Variants in ABCA13 observed in about 807,000 individuals in gnomAD.
ABCA13 encodes the protein ATP binding cassette subfamily A member 13.
Under a neutral mutation model 478.7 loss-of-function variants are expected in ABCA13, and 476 were observed. The observed-to-expected ratio is 0.99, with a 90% CI of 0.92 to 1.07. The LOEUF (loss-of-function observed/expected upper bound fraction) is 1.07. Ranked by LOEUF, ABCA13 falls within the 50% of genes least tolerant of loss-of-function variation. The pLI is 0.00. For synonymous variants in ABCA13, 2,252 were observed against 2,158.9 expected, an observed-to-expected ratio of 1.04 and a Z score of -1.20; for missense variants, 6,060 against 5,910.6, an observed-to-expected ratio of 1.03 and a Z score of -0.83.
rs1187628673 is a variant in ABCA13 at position 48,411,279 on chromosome 7, C to T, written c.12228+602C>T. Among the ~76,000 whole-genome samples, 48 of 104,570 alleles carry T rather than the reference C, an allele frequency of 4.6e-4. 1 individual carries two copies. The highest frequency in any genetic ancestry group is 1.1e-4 in the Non-Finnish European group (5 of 46,380). 68.6% of individuals were successfully genotyped at this position (104,570 alleles called of 152,430 possible). On this transcript the variant is annotated intron_variant, in intron 40 of 61. Transcript: ENST00000435803. ...TCTTTCCTTCCTTTCCTCCCTCCCT[C>T]CTCCTTCCTTCCTTCTTTTCTTTTC...
chr7:48,245,514 G>T lies in ABCA13; in HGVS notation c.1393G>T (p.Val465Phe), dbSNP rs1217301893. 3.7e-6 allele frequency: 6 copies of T among 1,608,562 alleles called. 1 individual carries two copies. The South Asian group carries it at 6.7e-5, about 18-fold the overall frequency. The change falls in exon 12 of 62, where the codon GTC (valine) becomes TTC (phenylalanine). Residue 465 changes from valine (V) to phenylalanine (F), a missense_variant and splice_region_variant. By Grantham distance (50) the Val-to-Phe change is conservative. Coordinates refer to ENST00000435803, the MANE Select transcript of ABCA13 (RefSeq NM_152701.5). ...TAATCAATTTGTCTACTTTGCAGAA[G>T]TCCTCATTTGCCTGGAGACATCAGC... is the stretch of plus-strand genomic sequence containing the variant. Reference protein sequence around the residue: ...IAQNLHFVQEVLICLETSAND... With the variant: ...IAQNLHFVQEFLICLETSAND...
At chr7:48,262,977 G>T (rs545700287) in intron 15 of ABCA13, among the ~76,000 whole-genome samples, 1 of 152,014 alleles carries the variant, frequency 6.6e-6, no homozygotes, top group Non-Finnish European at 1.5e-5. Context: ...CACAGACATG[G>T]GTAAGGTGAG....
At chr7:48,286,866 A>G (rs1347263852) in intron 19 of ABCA13, among the ~76,000 whole-genome samples, 1 of 151,558 alleles carries the variant, frequency 6.6e-6, no homozygotes, top group Non-Finnish European at 1.5e-5. Flanking sequence ...AGTCAGGATA[A>G]CATTTTTTTT....
intron 3 of ABCA13, among the ~76,000 whole-genome samples, chr7:48,213,651 T>C (rs1436666036): frequency 6.6e-6 from 1 of 152,234 alleles, no homozygotes; most frequent in Non-Finnish European, 1.5e-5. Flanking sequence ...TAGCATATGA[T>C]GCTGTTTTAT....
chr7:48,329,933 TCATC>T (rs1211697990), intron 27 of ABCA13, among the ~76,000 whole-genome samples: 2 of 148,744 alleles, frequency 1.3e-5, no homozygotes, highest in Non-Finnish European at 3.0e-5. Flanking sequence ...ACACATCTAT[TCATC>T]CATCCATCTA....
chr7:48,602,738 TG>T (rs1019773374), intron 58 of ABCA13, among the ~76,000 whole-genome samples: 7 of 149,526 alleles, frequency 4.7e-5, no homozygotes, highest in African/African-American at 1.8e-4. Flanking sequence ...AAATTTAAAG[TG>T]GTTTTTTTTT....
intron 27 of ABCA13, among the ~76,000 whole-genome samples, chr7:48,324,508 C>A (rs1804008216): frequency 6.6e-6 from 1 of 152,218 alleles, no homozygotes; most frequent in Non-Finnish European, 1.5e-5. Flanking sequence ...TTGGAATGAT[C>A]TTTTACCACT....
chr7:48,505,726 G>T (rs1224553750), intron 48 of ABCA13, among the ~76,000 whole-genome samples: 2 of 152,200 alleles, frequency 1.3e-5, no homozygotes, highest in Admixed American at 6.5e-5. Flanking sequence ...AATTTCTGGG[G>T]AAGCACTGTC....
intron 43 of ABCA13, among the ~76,000 whole-genome samples, chr7:48,458,685 G>A (rs1039307058): frequency 2.6e-5 from 4 of 152,134 alleles, no homozygotes; most frequent in African/African-American, 7.2e-5. Context: ...CAGAAGAAAT[G>A]CACTAGAGAG....
chr7:48,516,576 A>C (rs761782573), intron 51 of ABCA13, 149 bp from the exon 52 acceptor site: 1 of 726,730 alleles, frequency 1.4e-6, no homozygotes, highest in Non-Finnish European at 2.3e-6. Flanking sequence ...CATAGGTTGT[A>C]TGTATGGGGA....
chr7:48,395,096 A>G (rs1816654030), intron 38 of ABCA13, among the ~76,000 whole-genome samples: 1 of 152,238 alleles, frequency 6.6e-6, no homozygotes, highest in South Asian at 2.1e-4. Context: ...GCCTGTGCAC[A>G]GGCACATTAC....
In ABCA13 at chr7:48,466,976, A is replaced by T. The variant is rs1180114321; in HGVS notation, c.12836A>T (p.Asp4279Val). 1.2e-6 allele frequency: 2 copies of T among 1,613,862 alleles called. No individual in the cohort carries two copies. Among genetic ancestry groups the T allele is most frequent in the South Asian group, 2.2e-5 (2 of 91,080 alleles). ...YFFSSGGDNL[D>V]LTRVLLRKFR... ...AGCAGCAGTGGGGGCGACAACTTGGACCTCACCCGTGTGCTTCTGCGGAAG... is the reference window on the plus strand; with the variant it reads ...AGCAGCAGTGGGGGCGACAACTTGGTCCTCACCCGTGTGCTTCTGCGGAAG... The change falls in exon 44 of 62, where the codon GAC becomes GTC. Residue 4279 changes from aspartate to valine, a missense_variant. Asp to Val is a radical substitution (Grantham distance 152). Transcript: ENST00000435803.
intron 45 of ABCA13, among the ~76,000 whole-genome samples, chr7:48,473,650 T>C (rs950729475): frequency 6.6e-6 from 1 of 152,172 alleles, no homozygotes; most frequent in Non-Finnish European, 1.5e-5. Context: ...ATAGCTCTGG[T>C]GGTGGCACTC....
chr7:48,556,391 C>A (rs6977837), intron 55 of ABCA13, among the ~76,000 whole-genome samples: 69,933 of 151,694 alleles, frequency 0.46, 18,949 homozygotes, highest in African/African-American at 0.76. Flanking sequence ...TTCAGTGCTG[C>A]AAGTGGGGCA....
At chr7:48,305,555 T>C (rs1800782034) in intron 23 of ABCA13, among the ~76,000 whole-genome samples, 1 of 152,232 alleles carries the variant, frequency 6.6e-6, no homozygotes, top group Non-Finnish European at 1.5e-5. Flanking sequence ...CTGTCCGTGT[T>C]TCCCTTCCGG....
At chr7:48,473,245 G>T (rs1017486674) in intron 45 of ABCA13, among the ~76,000 whole-genome samples, 2 of 152,180 alleles carry the variant, frequency 1.3e-5, no homozygotes, top group Non-Finnish European at 2.9e-5. Context: ...CTTCAAGGTG[G>T]ATGTGCCTGG....
At chr7:48,358,072 G>T (rs1444669843) in intron 31 of ABCA13, among the ~76,000 whole-genome samples, 1 of 151,162 alleles carries the variant, frequency 6.6e-6, no homozygotes, top group African/African-American at 2.4e-5. Context: ...AACCCAGGAG[G>T]CAAAGGTTGT....
intron 1 of ABCA13, among the ~76,000 whole-genome samples, chr7:48,191,655 G>T (rs1367783786): frequency 6.6e-6 from 1 of 152,166 alleles, no homozygotes; most frequent in African/African-American, 2.4e-5. Context: ...TGATCCGTCT[G>T]CCTCGGCCTC....
intron 51 of ABCA13, among the ~76,000 whole-genome samples, chr7:48,515,901 T>C (rs1359290211): frequency 6.6e-6 from 1 of 152,182 alleles, no homozygotes; most frequent in Non-Finnish European, 1.5e-5. Context: ...GAGAAGCTCC[T>C]TTTGGAGAAG....
Sources: allele counts gnomAD v4.1 joint callset (sites outside exome capture counted in the v4.1 genomes callset), GRCh38; gene constraint gnomAD v4.1.1; transcripts MANE v1.5; gene names NCBI Gene and HGNC (gene_info 2026-07-23, HGNC 2026-07-21).